Variants in FBXL7 observed in about 807,000 individuals in gnomAD.
FBXL7 encodes F-box and leucine rich repeat protein 7.
A neutral mutation model predicts 38.3 loss-of-function variants in FBXL7; 12 were observed. The ratio of observed to expected loss-of-function variants is 0.31; its 90% CI spans 0.20 to 0.51. FBXL7 has a LOEUF of 0.51. FBXL7 is among the 20% of genes least tolerant of loss of function. The pLI, the probability that FBXL7 is intolerant of heterozygous loss-of-function variation, is 0.98. For synonymous variants in FBXL7, 297 were observed against 300.9 expected (o/e 0.99, Z 0.13); for missense variants, 567 against 676.4 (o/e 0.84, Z 1.79).
At chr5:15,804,760 G>A (rs954965847) in intron 2 of FBXL7, among the ~76,000 whole-genome samples, 4 of 152,078 alleles carry the variant, frequency 2.6e-5, no homozygotes, top group Non-Finnish European at 4.4e-5. Flanking sequence ...CACATGTGAG[G>A]GATCTAGGTT....
At chr5:15,730,826 G>A (rs1735560807) in intron 2 of FBXL7, among the ~76,000 whole-genome samples, 1 of 152,026 alleles carries the variant, frequency 6.6e-6, no homozygotes, top group African/African-American at 2.4e-5. Flanking sequence ...TTTATTCCAG[G>A]GCTTATAAAA....
intron 2 of FBXL7, among the ~76,000 whole-genome samples, chr5:15,647,591 A>T (rs947875992): frequency 4.6e-5 from 7 of 152,228 alleles, no homozygotes; most frequent in Admixed American, 1.3e-4. Context: ...GAATTAATAT[A>T]ATTTACCCTT....
intron 3 of FBXL7, among the ~76,000 whole-genome samples, chr5:15,930,557 G>A (rs192740392): frequency 2.6e-5 from 4 of 152,252 alleles, no homozygotes; most frequent in Admixed American, 2.0e-4. Flanking sequence ...AAATTCTTGC[G>A]CTTCTAGCCT....
At chr5:15,542,387 C>T (rs1236259220) in intron 1 of FBXL7, among the ~76,000 whole-genome samples, 1 of 152,116 alleles carries the variant, frequency 6.6e-6, no homozygotes, top group East Asian at 1.9e-4. Flanking sequence ...AATGGAGGTA[C>T]AGAATGCATA....
chr5:15,728,261 T>C (rs912233520), intron 2 of FBXL7, among the ~76,000 whole-genome samples: 13 of 152,172 alleles, frequency 8.5e-5, no homozygotes, highest in African/African-American at 3.1e-4. Context: ...GAATGGGCCA[T>C]ACTTTCCTGT....
intron 2 of FBXL7, among the ~76,000 whole-genome samples, chr5:15,699,630 G>A (rs1743461262): frequency 6.6e-6 from 1 of 152,214 alleles, no homozygotes; most frequent in Admixed American, 6.5e-5. Flanking sequence ...AGGAGTATGT[G>A]CCTAGAACAG....
chr5:15,532,517 T>C (rs1258191969), intron 1 of FBXL7, among the ~76,000 whole-genome samples: 1 of 152,238 alleles, frequency 6.6e-6, no homozygotes, highest in Non-Finnish European at 1.5e-5. Context: ...TTTCCTTGGC[T>C]AAGTTGAAAG....
At chr5:15,589,886 A>G (rs979855577) in intron 1 of FBXL7, among the ~76,000 whole-genome samples, 1 of 152,224 alleles carries the variant, frequency 6.6e-6, no homozygotes, top group African/African-American at 2.4e-5. Context: ...ATGGGTCCAC[A>G]TGCTTCAGTG....
intron 1 of FBXL7, among the ~76,000 whole-genome samples, chr5:15,611,842 G>A (rs901012144): frequency 4.0e-5 from 6 of 151,636 alleles, no homozygotes; most frequent in Non-Finnish European, 8.8e-5. Context: ...AAAATGCTGG[G>A]TATGGTGGTG....
intron 2 of FBXL7, among the ~76,000 whole-genome samples, chr5:15,835,896 T>C (rs1738580111): frequency 6.6e-6 from 1 of 152,210 alleles, no homozygotes; most frequent in African/African-American, 2.4e-5. Flanking sequence ...TGTGGCATCC[T>C]GGGTAATTTT....
intron 2 of FBXL7, among the ~76,000 whole-genome samples, chr5:15,885,249 A>T (rs984685413): frequency 1.3e-5 from 2 of 152,174 alleles, no homozygotes; most frequent in African/African-American, 4.8e-5. Context: ...TTCACCATGT[A>T]TGCCTCTCCA....
intron 1 of FBXL7, among the ~76,000 whole-genome samples, chr5:15,589,438 T>C (rs978984629): frequency 2.0e-5 from 3 of 152,146 alleles, no homozygotes; most frequent in Admixed American, 1.3e-4. Context: ...GCCAGGCAAG[T>C]TGTGCCTGCT....
chr5:15,538,151 T>TA (rs1737639691), intron 1 of FBXL7, among the ~76,000 whole-genome samples: 1 of 152,168 alleles, frequency 6.6e-6, no homozygotes, highest in African/African-American at 2.4e-5. Flanking sequence ...AAACACATTC[T>TA]AAGGGGGTAG....
chr5:15,770,464 G>A (rs1736700362), intron 2 of FBXL7, among the ~76,000 whole-genome samples: 1 of 152,272 alleles, frequency 6.6e-6, no homozygotes, highest in African/African-American at 2.4e-5. Flanking sequence ...TACAGCTATG[G>A]TGAGTGGAAT....
chr5:15,698,694 A>G (rs1335343441), intron 2 of FBXL7, among the ~76,000 whole-genome samples: 1 of 152,214 alleles, frequency 6.6e-6, no homozygotes, highest in Non-Finnish European at 1.5e-5. Context: ...TGTATTCTAC[A>G]GTGATTTACA....
chr5:15,703,235 A>G (rs1743584248), intron 2 of FBXL7, among the ~76,000 whole-genome samples: 1 of 152,218 alleles, frequency 6.6e-6, no homozygotes, highest in African/African-American at 2.4e-5. Context: ...TAGTATTGAA[A>G]TAAATAACTC....
At chr5:15,784,219 T>C (rs1220250333) in intron 2 of FBXL7, among the ~76,000 whole-genome samples, 1 of 152,126 alleles carries the variant, frequency 6.6e-6, no homozygotes, top group Admixed American at 6.5e-5. Flanking sequence ...CTGGGGCAAG[T>C]CAGGCAACTC....
chr5:15,762,171 G>T (rs1736464801), intron 2 of FBXL7, among the ~76,000 whole-genome samples: 1 of 152,198 alleles, frequency 6.6e-6, no homozygotes. Context: ...CACAGGTTGT[G>T]AGGATGAAAG....
chr5:15,709,021 T>C (rs957678916), intron 2 of FBXL7, among the ~76,000 whole-genome samples: 19 of 152,258 alleles, frequency 1.2e-4, no homozygotes, highest in Admixed American at 5.9e-4. Flanking sequence ...TGCATGACAT[T>C]GTTGGGTCTC....
Sources: allele counts gnomAD v4.1 joint callset (sites outside exome capture counted in the v4.1 genomes callset), GRCh38; gene constraint gnomAD v4.1.1; transcripts MANE v1.5; gene names NCBI Gene and HGNC (gene_info 2026-07-23, HGNC 2026-07-21).